MYO9A: variants seen among roughly 807,000 people sequenced by gnomAD.
MYO9A encodes the protein unconventional myosin-IXa.
Under a neutral mutation model 293.3 loss-of-function variants are expected in MYO9A, and 103 were observed. The observed-to-expected ratio is 0.35, with a 90% CI of 0.30 to 0.41. The LOEUF (loss-of-function observed/expected upper bound fraction) is 0.41, where lower values mean the gene tolerates loss of function less well. Among genes scored for constraint, MYO9A ranks in the 10% least tolerant of loss-of-function variants. The probability of loss-of-function intolerance (pLI) is 1.00; values close to 1 mark genes in which losing one functional copy is unlikely to be tolerated. For synonymous variants in MYO9A, 1,001 were observed against 1,035.7 expected (o/e 0.97, Z 0.64); for missense variants, 2,685 against 3,033.0 (o/e 0.89, Z 2.69).
intron 18 of MYO9A, among the ~76,000 whole-genome samples, chr15:71,933,148 T>A (rs2058527420): frequency 6.6e-6 from 1 of 152,150 alleles, no homozygotes; most frequent in African/African-American, 2.4e-5. Flanking sequence ...TAAAATTCAA[T>A]TTTCAGTGTC....
chr15:71,896,688 G>A (rs2057338111), intron 25 of MYO9A, among the ~76,000 whole-genome samples: 1 of 151,964 alleles, frequency 6.6e-6, no homozygotes, highest in African/African-American at 2.4e-5. Context: ...GCTGAGACAG[G>A]AGAACTGCTT....
intron 18 of MYO9A, among the ~76,000 whole-genome samples, chr15:71,923,380 A>G (rs535430212): frequency 3.2e-4 from 48 of 152,280 alleles, no homozygotes; most frequent in African/African-American, 1.2e-3. Flanking sequence ...GGCCTTGAAA[A>G]TAAATTTGGA....
chr15:72,041,119 C>T (rs1045234800), intron 2 of MYO9A: 5 of 600,122 alleles, frequency 8.3e-6, no homozygotes, highest in Admixed American at 8.1e-5. Flanking sequence ...GTGGTACATG[C>T]CTATAATCCC....
intron 12 of MYO9A, among the ~76,000 whole-genome samples, chr15:71,974,447 C>CT (rs1259715408): frequency 5.3e-5 from 8 of 152,274 alleles, no homozygotes; most frequent in Non-Finnish European, 7.4e-5. Context: ...GCTGGTATGA[C>CT]TATCCAATTC....
intron 26 of MYO9A, chr15:71,892,292 A>G (rs1449751982): frequency 6.6e-6 from 1 of 152,214 alleles, no homozygotes; most frequent in East Asian, 1.9e-4. Context: ...ATAGCCTTCT[A>G]TTTGGCTGGG....
chr15:72,081,676 G>A (rs950608299), intron 1 of MYO9A, among the ~76,000 whole-genome samples: 11 of 152,132 alleles, frequency 7.2e-5, no homozygotes, highest in African/African-American at 2.7e-4. Context: ...ACAGTTTTAG[G>A]TTTTAAATTA....
chr15:71,827,925 T>C lies in MYO9A; in HGVS notation c.7142A>G (p.Asn2381Ser), dbSNP rs771607839. The stretch of plus-strand genomic sequence containing the variant: ...AGCATATTCAGACTCCATATTCAAA[T>C]TCTCTGAGCTATCAGCAGTCCCAAT... ...ASIGTADSSE[N>S]LNMESEYAIS... The change falls in exon 41 of 42, where the codon AAT becomes AGT. Residue 2381 changes from asparagine (N) to serine (S), a missense_variant. Transcript: ENST00000356056. 4.4e-5 allele frequency: 71 copies of C among 1,613,732 alleles called. No homozygotes were observed. Among genetic ancestry groups the C allele is most frequent in the Non-Finnish European group, 5.7e-5 (67 of 1,179,820 alleles).
intron 13 of MYO9A, 64 bp from the exon 14 acceptor site, chr15:71,960,160 G>T: frequency 7.2e-7 from 1 of 1,397,416 alleles, no homozygotes; most frequent in Non-Finnish European, 1.0e-6. Context: ...AAGATGACGG[G>T]TGATAACATA....
chr15:71,941,537 A>G (rs956664241), intron 15 of MYO9A, among the ~76,000 whole-genome samples: 1 of 152,236 alleles, frequency 6.6e-6, no homozygotes, highest in Non-Finnish European at 1.5e-5. Flanking sequence ...TTGAGATGGT[A>G]TCAAATATTC....
rs1401177167 is a variant in MYO9A at position 72,046,288 on chromosome 15, C to T, written c.276G>A (p.Met92Ile). ...CTCCACTTAAGCGATTTTCCAGAGC[C>T]ATTCGGGGCCACAGCATCATTCGCT... ...PVQRMMLWPRMALENRLSGED... is the reference protein window; with the variant it reads ...PVQRMMLWPRIALENRLSGED... Residue 92 changes from methionine (M) to isoleucine (I), a missense_variant, in exon 2 of 42, where the codon ATG becomes ATA. Coordinates refer to ENST00000356056, the MANE Select transcript of MYO9A (RefSeq NM_006901.4). 2 of 1,613,984 alleles carry T rather than the reference C, an allele frequency of 1.2e-6. No homozygotes were observed. Among genetic ancestry groups the T allele is most frequent in the African/African-American group, 1.3e-5 (1 of 74,914 alleles).
chr15:71,920,823 C>T (rs1268235073), intron 18 of MYO9A, among the ~76,000 whole-genome samples: 13 of 151,984 alleles, frequency 8.6e-5, no homozygotes, highest in African/African-American at 1.9e-4. Context: ...GACGCATGCC[C>T]GTCATCTCAG....
chr15:71,971,370 A>G (rs2076006539), intron 12 of MYO9A, among the ~76,000 whole-genome samples: 1 of 151,900 alleles, frequency 6.6e-6, no homozygotes, highest in African/African-American at 2.4e-5. Context: ...GGACAGCTTG[A>G]GCCCAGGAGT....
At chr15:71,953,144 G>T (rs2059092565) in intron 14 of MYO9A, among the ~76,000 whole-genome samples, 1 of 152,150 alleles carries the variant, frequency 6.6e-6, no homozygotes, top group African/African-American at 2.4e-5. Context: ...AGGTACAAAG[G>T]TTGAATGTTT....
Position 71,875,907 on chromosome 15 carries a change from C to T in MYO9A, c.5932-69G>A, listed in dbSNP as rs2056668515. On this transcript the variant is annotated intron_variant, in intron 31 of 41. Coordinates refer to ENST00000356056, the MANE Select transcript of MYO9A (RefSeq NM_006901.4). ...ACTAACATACTTTCTTACTTCATTGCAAATGTTAAGATACTTGCTCAACAG... is the reference window on the plus strand; with the variant it reads ...ACTAACATACTTTCTTACTTCATTGTAAATGTTAAGATACTTGCTCAACAG... The T allele has an allele frequency of 5.6e-6, 5 of 887,418 alleles. No individual in the cohort carries two copies. The South Asian group carries it at 2.2e-4, about 39-fold the overall frequency. The allele number at this position is 887,418 out of a possible 1,614,324, so 55.0% of individuals were successfully genotyped here.
intron 39 of MYO9A, among the ~76,000 whole-genome samples, chr15:71,837,382 C>CA (rs1219521836): frequency 2.0e-5 from 3 of 151,958 alleles, no homozygotes; most frequent in African/African-American, 7.2e-5. Flanking sequence ...GCAAATTTAA[C>CA]AAAAAATGAC....
chr15:72,103,263 AG>A (rs2080428415), intron 1 of MYO9A, among the ~76,000 whole-genome samples: 4 of 150,362 alleles, frequency 2.7e-5, no homozygotes, highest in Admixed American at 2.6e-4. Context: ...AAGGAGAAGC[AG>A]AGGCAGCAGC....
chr15:72,039,791 T>C (rs2078170349), intron 2 of MYO9A: 1 of 154,264 alleles, frequency 6.5e-6, no homozygotes, highest in Non-Finnish European at 1.4e-5. Flanking sequence ...ATTGTGCCAC[T>C]GTACTCCAGC....
At chr15:72,101,767 G>A (rs1191355207) in intron 1 of MYO9A, among the ~76,000 whole-genome samples, 2 of 145,400 alleles carry the variant, frequency 1.4e-5, no homozygotes, top group African/African-American at 2.5e-5. Context: ...CCCCTACTGG[G>A]AAGTGAGGAG....
At chr15:71,870,796 T>C (rs901868272) in intron 32 of MYO9A, among the ~76,000 whole-genome samples, 3 of 152,238 alleles carry the variant, frequency 2.0e-5, no homozygotes, top group Non-Finnish European at 4.4e-5. Context: ...ATTCACTCAA[T>C]GGACAGCAAA....
Sources: allele counts gnomAD v4.1 joint callset (sites outside exome capture counted in the v4.1 genomes callset), GRCh38; gene constraint gnomAD v4.1.1; transcripts MANE v1.5; gene names NCBI Gene and HGNC (gene_info 2026-07-23, HGNC 2026-07-21).